CNST: variants seen among roughly 807,000 people sequenced by gnomAD.
CNST encodes consortin.
A neutral mutation model predicts 72.4 loss-of-function variants in CNST; 39 were observed. The observed-to-expected ratio is 0.54, with a 90% CI of 0.42 to 0.70. The LOEUF (loss-of-function observed/expected upper bound fraction) is 0.70, where lower values mean the gene tolerates loss of function less well. Ranked by LOEUF, CNST falls within the 30% of genes least tolerant of loss-of-function variation. CNST has a pLI of 0.00. For missense variants in CNST, 871 were observed against 868.5 expected, an observed-to-expected ratio of 1.00 and a Z score of -0.04; for synonymous variants, 332 against 320.1, an observed-to-expected ratio of 1.04 and a Z score of -0.40.
intron 1 of CNST, among the ~76,000 whole-genome samples, chr1:246,567,271 A>G (rs946761180): frequency 1.2e-4 from 19 of 152,198 alleles, no homozygotes; most frequent in Admixed American, 5.2e-4. Context: ...ACTTAGTCAA[A>G]CACATCGTAC....
intron 3 of CNST, among the ~76,000 whole-genome samples, chr1:246,631,644 AG>A: frequency 6.6e-6 from 1 of 152,154 alleles, no homozygotes; most frequent in East Asian, 1.9e-4. Context: ...CTTTGACTTG[AG>A]GTAGAGTAGG....
chr1:246,612,072 A>G, intron 2 of CNST, among the ~76,000 whole-genome samples: 1 of 152,228 alleles, frequency 6.6e-6, no homozygotes, highest in Non-Finnish European at 1.5e-5. Flanking sequence ...CAGAAAGTAG[A>G]ATAGAGGTTT....
intron 2 of CNST, among the ~76,000 whole-genome samples, chr1:246,599,402 C>T (rs1037124934): frequency 6.6e-6 from 1 of 152,134 alleles, no homozygotes; most frequent in African/African-American, 2.4e-5. Context: ...AATCTGTTTC[C>T]TTGCCTTTTC....
intron 2 of CNST, among the ~76,000 whole-genome samples, chr1:246,618,867 CTT>C (rs1663867180): frequency 2.0e-5 from 3 of 152,096 alleles, no homozygotes; most frequent in Admixed American, 1.3e-4. Context: ...ATCCAGGACC[CTT>C]TTTTGATCTC....
At chr1:246,569,639 A>G (rs1159932227) in intron 1 of CNST, among the ~76,000 whole-genome samples, 1 of 152,142 alleles carries the variant, frequency 6.6e-6, no homozygotes, top group Non-Finnish European at 1.5e-5. Flanking sequence ...GTGCAGTGGC[A>G]GTCCCGGAGC....
At chr1:246,664,622 T>G (rs1436058506) in intron 10 of CNST, among the ~76,000 whole-genome samples, 1 of 151,868 alleles carries the variant, frequency 6.6e-6, no homozygotes, top group South Asian at 2.1e-4. Flanking sequence ...GAGACGGGGT[T>G]TCACCGTGTC....
intron 2 of CNST, among the ~76,000 whole-genome samples, chr1:246,602,765 C>A (rs944729375): frequency 6.6e-6 from 1 of 152,078 alleles, no homozygotes. Flanking sequence ...TGGCAAGGAC[C>A]CCGTGAGAAT....
chr1:246,600,695 A>C (rs1662226327), intron 2 of CNST, among the ~76,000 whole-genome samples: 1 of 152,212 alleles, frequency 6.6e-6, no homozygotes, highest in Non-Finnish European at 1.5e-5. Flanking sequence ...AGAAAGAGCA[A>C]GTTTGGAGAG....
chr1:246,625,884 T>C (rs1173580525), intron 3 of CNST, among the ~76,000 whole-genome samples: 1 of 152,158 alleles, frequency 6.6e-6, no homozygotes, highest in Non-Finnish European at 1.5e-5. Context: ...TCCATGTTGT[T>C]AAATCCGGTG....
At position 246,599,066 on chromosome 1, in the gene CNST, T is replaced by C. The variant is rs547525451; in HGVS notation, c.379+7125T>C. On this transcript the variant is annotated intron_variant, in intron 2 of 10. Transcript: ENST00000366513. ...TGATCAATGAAGGCAGGCCATGTCT[T>C]TTCTGAAGGTCAGCTAGTAAGAATA... is the stretch of plus-strand genomic sequence containing the variant. Among the ~76,000 whole-genome samples, 3 of 152,306 alleles carry C rather than the reference T, an allele frequency of 2.0e-5. No homozygotes were observed. In the South Asian group the frequency reaches 6.2e-4, roughly 32 times the overall value.
chr1:246,567,025 G>A (rs1040553530), intron 1 of CNST, among the ~76,000 whole-genome samples: 1 of 151,844 alleles, frequency 6.6e-6, no homozygotes, highest in Non-Finnish European at 1.5e-5. Flanking sequence ...CTCGTGGATG[G>A]TTTTCATTTC....
chr1:246,646,007 T>C (rs1213004736), intron 8 of CNST, among the ~76,000 whole-genome samples: 1 of 151,858 alleles, frequency 6.6e-6, no homozygotes, highest in African/African-American at 2.4e-5. Context: ...TTGCTCGGCG[T>C]GGTGGCTCAC....
chr1:246,588,886 A>T (rs1043139423), intron 1 of CNST, among the ~76,000 whole-genome samples: 2 of 152,114 alleles, frequency 1.3e-5, no homozygotes, highest in Admixed American at 6.5e-5. Context: ...AGTTATTCCA[A>T]ACATACTTGA....
At chr1:246,567,306 A>G (rs561908895) in intron 1 of CNST, among the ~76,000 whole-genome samples, 1 of 152,084 alleles carries the variant, frequency 6.6e-6, no homozygotes, top group African/African-American at 2.4e-5. Flanking sequence ...TAAAAGACCC[A>G]ATTTTGAAGA....
intron 4 of CNST, among the ~76,000 whole-genome samples, chr1:246,633,474 G>T (rs1050099992): frequency 1.3e-5 from 2 of 150,712 alleles, no homozygotes; most frequent in African/African-American, 4.9e-5. Flanking sequence ...TGGACGCAGT[G>T]ATTCATGCCT....
chr1:246,634,058 G>A (rs1051272217), intron 5 of CNST, 48 bp downstream of exon 5: 2 of 1,136,672 alleles, frequency 1.8e-6, no homozygotes, highest in Non-Finnish European at 2.7e-6. Context: ...AATCCAACAA[G>A]TCACTATCTA....
rs1661558349 is a variant in CNST, at chr1:246,591,750, T to A, written c.188T>A (p.Val63Glu). 1 of 1,614,162 alleles carries A rather than the reference T, an allele frequency of 6.2e-7. No individual in the cohort carries two copies. Among genetic ancestry groups the A allele is most frequent in the Non-Finnish European group, 8.5e-7 (1 of 1,180,032 alleles). The change falls in exon 2 of 11, where the codon GTG becomes GAG. Residue 63 changes from valine (V) to glutamate (E), a missense_variant. By Grantham distance (121) the Val-to-Glu change is moderately radical (BLOSUM62 -2). Transcript: ENST00000366513. ...GACAGTGCGATGGGAAAGCCCCAAG[T>A]GTCTGAGCAGGACAGTCTCAATAAT... ...SSDSAMGKPQ[V>E]SEQDSLNNNE...
chr1:246,601,371 C>G (rs1436032515), intron 2 of CNST, among the ~76,000 whole-genome samples: 1 of 152,040 alleles, frequency 6.6e-6, no homozygotes, highest in East Asian at 1.9e-4. Context: ...TGATGATGAG[C>G]CACCAACTGT....
intron 7 of CNST, 63 bp from the exon 8 acceptor site, chr1:246,641,878 A>G: frequency 7.2e-7 from 1 of 1,395,630 alleles, no homozygotes; most frequent in Non-Finnish European, 1.0e-6. Flanking sequence ...AGTTATTTTC[A>G]GCTTCCTAGT....
Sources: gnomAD v4.1 joint callset for allele counts (sites outside exome capture counted in the v4.1 genomes callset) on GRCh38, gnomAD v4.1.1 for gene constraint, MANE v1.5 for transcripts, NCBI Gene and HGNC (gene_info 2026-07-23, HGNC 2026-07-21) for gene names.